Variants in EP300 observed in about 807,000 individuals in gnomAD.
EP300 encodes the protein histone acetyltransferase p300.
In EP300, 31 loss-of-function variants were observed where a neutral mutation model predicts 264.0. The observed-to-expected ratio is 0.12, with a 90% CI of 0.09 to 0.16. EP300 has a LOEUF of 0.16. Ranked by LOEUF, EP300 falls within the 10% of genes least tolerant of loss-of-function variation. EP300 has a pLI of 1.00. For missense variants in EP300, 2,766 were observed against 3,052.9 expected (o/e 0.91, Z 2.21); for synonymous variants, 1,340 against 1,045.4 (o/e 1.28, Z -5.44).
At position 41,179,362 on chromosome 22, in the gene EP300, C is replaced by T; in HGVS notation, c.*406C>T. 1 of 222,366 alleles carries T rather than the reference C, an allele frequency of 4.5e-6. No individual in the cohort carries two copies. The highest frequency in any genetic ancestry group is 9.0e-6 in the Non-Finnish European group (1 of 111,000). 13.8% of individuals were successfully genotyped at this position (222,366 alleles called of 1,614,324 possible). On this transcript the variant is annotated 3_prime_UTR_variant, in exon 31 of 31. Transcript: ENST00000263253. ...TGGTGCAGATGGTTGACATTTTTCC[C>T]TATTTTCCTCACTTTATGGAAGAGT...
chr22:41,113,704 G>A (rs577038483), intron 1 of EP300, among the ~76,000 whole-genome samples: 8 of 152,058 alleles, frequency 5.3e-5, no homozygotes, highest in South Asian at 2.1e-4. Flanking sequence ...CCGCCACCAC[G>A]CCCTGCTAAT....
intron 2 of EP300, among the ~76,000 whole-genome samples, chr22:41,125,112 C>CTTTTTTTTTT (rs930135062): frequency 1.5e-4 from 12 of 80,344 alleles, no homozygotes; most frequent in East Asian, 2.9e-4. Context: ...CTTTTCTTTC[C>CTTTTTTTTTT]TTTTTTTTTT....
intron 12 of EP300, 147 bp from the exon 13 acceptor site, chr22:41,148,891 C>A (rs1054766018): frequency 7.1e-6 from 7 of 991,312 alleles, no homozygotes; most frequent in Non-Finnish European, 1.1e-5. Flanking sequence ...TTTCTTCCTT[C>A]TCCTCTTCAG....
chr22:41,150,094 C>T lies in EP300; in HGVS notation c.2713C>T (p.Pro905Ser), dbSNP rs763211430. 6.2e-7 allele frequency: 1 copy of T among 1,613,488 alleles called. No individual in the cohort carries two copies. The highest frequency in any genetic ancestry group is 1.3e-5 in the African/African-American group (1 of 74,928). ...QQVQPSLPAA[P>S]SADQPQQQPR... ...AGTGCAGCCTTCACTTCCTGCTGCA[C>T]CTTCTGCTGACCAGCCCCAGCAGCA... The change falls in exon 14 of 31, where the codon CCT becomes TCT. Residue 905 changes from proline to serine, a missense_variant. Physicochemically the swap from Pro to Ser is moderately conservative, Grantham distance 74 (BLOSUM62 -1). Transcript: ENST00000263253.
rs1288890980 is a variant in EP300 at position 41,092,924 on chromosome 22, G to C, written c.-81G>C. 3.1e-5 allele frequency: 47 copies of C among 1,507,164 alleles called. No individual in the cohort carries two copies. In the Admixed American group the frequency reaches 7.7e-4, roughly 25 times the overall value. 93.4% of individuals were successfully genotyped at this position (1,507,164 alleles called of 1,614,324 possible). On this transcript the variant is annotated 5_prime_UTR_variant, in exon 1 of 31. Coordinates refer to ENST00000263253, the MANE Select transcript of EP300 (RefSeq NM_001429.4). Reference sequence around the variant, plus strand: ...GGAGCCCCCCAGCCCACCCCTGGGTGCGGCGCGGGGACCCCGGGCCGAAGA... The same window carrying C: ...GGAGCCCCCCAGCCCACCCCTGGGTCCGGCGCGGGGACCCCGGGCCGAAGA...
At chr22:41,094,245 C>T (rs375486257) in intron 1 of EP300, among the ~76,000 whole-genome samples, 3 of 152,212 alleles carry the variant, frequency 2.0e-5, no homozygotes, top group East Asian at 1.9e-4. Flanking sequence ...ATCTCTTTAA[C>T]TCCCTGAGAG....
In EP300 at chr22:41,117,829, C is replaced by T. The variant is rs751025845; in HGVS notation, c.729+8C>T. 2.1e-5 allele frequency: 34 copies of T among 1,613,480 alleles called. No individual in the cohort carries two copies. The highest frequency in any genetic ancestry group is 2.8e-5 in the Non-Finnish European group (33 of 1,180,026). ...GGCCCCCAGCCTCTTAAGGTAAGTA[C>T]AGTTTTGGTTTGTGTGCACAATCGG... On this transcript the variant is annotated splice_region_variant and intron_variant, in intron 2 of 30. Coordinates refer to ENST00000263253, the MANE Select transcript of EP300 (RefSeq NM_001429.4).
In EP300 at chr22:41,177,451, G is replaced by A. The variant is rs1485568560; in HGVS notation, c.5740G>A (p.Ala1914Thr). The A allele has an allele frequency of 6.8e-6, 11 of 1,614,124 alleles. No individual in the cohort carries two copies. The highest frequency in any genetic ancestry group is 8.5e-6 in the Non-Finnish European group (10 of 1,180,018). Residue 1914 changes from alanine to threonine, a missense_variant, in exon 31 of 31, where the codon GCT (alanine) becomes ACT (threonine). Coordinates refer to ENST00000263253, the MANE Select transcript of EP300 (RefSeq NM_001429.4). ...GACCCCTCCAACCCCTCCTCAGACT[G>A]CTCAGCCACCCCTTCCAGGGCCCCC... ...QVTPPTPPQT[A>T]QPPLPGPPPA...
intron 10 of EP300, among the ~76,000 whole-genome samples, chr22:41,143,621 G>C (rs1278921721): frequency 6.6e-6 from 1 of 151,824 alleles, no homozygotes; most frequent in African/African-American, 2.4e-5. Flanking sequence ...TGTCACTCAG[G>C]CTGAAGTGCA....
At chr22:41,145,969 T>C (rs985826151) in intron 10 of EP300, among the ~76,000 whole-genome samples, 1 of 151,996 alleles carries the variant, frequency 6.6e-6, no homozygotes, top group African/African-American at 2.4e-5. Flanking sequence ...GTACATGATA[T>C]GTAGTGTGGT....
At chr22:41,100,167 T>C (rs2058723435) in intron 1 of EP300, among the ~76,000 whole-genome samples, 3 of 152,166 alleles carry the variant, frequency 2.0e-5, no homozygotes, top group Admixed American at 2.0e-4. Flanking sequence ...CCAGGAGTTT[T>C]GAGGTTACAG....
chr22:41,133,266 T>A (rs950118658), intron 6 of EP300, among the ~76,000 whole-genome samples: 9 of 150,934 alleles, frequency 6.0e-5, no homozygotes, highest in African/African-American at 2.2e-4. Flanking sequence ...AAGCAGTTCT[T>A]CCTGCCTCAG....
At chr22:41,140,961 A>T in intron 9 of EP300, 87 bp from the exon 10 acceptor site, 1 of 1,267,284 alleles carries the variant, frequency 7.9e-7, no homozygotes, top group Admixed American at 2.2e-5. Context: ...AATGAAACTA[A>T]TATCTATTCT....
At chr22:41,114,686 A>G (rs1338112580) in intron 1 of EP300, among the ~76,000 whole-genome samples, 4 of 152,184 alleles carry the variant, frequency 2.6e-5, no homozygotes, top group South Asian at 2.1e-4. Flanking sequence ...GTGGTAAAAC[A>G]TGTCCTTCGC....
chr22:41,140,068 G>A, intron 8 of EP300, 72 bp from the exon 9 acceptor site: 1 of 1,022,782 alleles, frequency 9.8e-7, no homozygotes, highest in South Asian at 1.3e-5. Context: ...TATGTGTTCA[G>A]TGTATAAAAA....
At chr22:41,109,576 G>A (rs994831220) in intron 1 of EP300, among the ~76,000 whole-genome samples, 4 of 152,190 alleles carry the variant, frequency 2.6e-5, no homozygotes, top group Admixed American at 1.3e-4. Context: ...ATAACAATAG[G>A]TAACATGTTT....
intron 3 of EP300, 127 bp from the exon 4 acceptor site, chr22:41,127,360 C>G (rs2058888892): frequency 7.9e-7 from 1 of 1,268,590 alleles, no homozygotes; most frequent in Non-Finnish European, 1.1e-6. Flanking sequence ...TTCCCTGTGT[C>G]AAAAAATGGA....
chr22:41,147,872 C>T lies in EP300; in HGVS notation c.2167C>T (p.Pro723Ser), dbSNP rs755152564. 7 of 1,614,080 alleles carry T rather than the reference C, an allele frequency of 4.3e-6. No homozygotes were observed. The highest frequency in any genetic ancestry group is 2.2e-5 in the South Asian group (2 of 91,088). ...NQFGQMSMAQ[P>S]PIVPRQTPPL... is the part of the protein sequence containing the mutation. ...ATTTGGCCAGATGAGCATGGCCCAG[C>T]CCCCTATTGTACCCCGGCAAACCCC... Residue 723 changes from proline (P) to serine (S), a missense_variant, in exon 12 of 31, where the codon CCC becomes TCC. By Grantham distance (74) the Pro-to-Ser change is moderately conservative. Coordinates refer to ENST00000263253, the MANE Select transcript of EP300 (RefSeq NM_001429.4).
In EP300 at chr22:41,149,981, C is replaced by T. The variant is rs2145737487; in HGVS notation, c.2600C>T (p.Pro867Leu). 6.2e-7 allele frequency: 1 copy of T among 1,614,080 alleles called. No homozygotes were observed. The highest frequency in any genetic ancestry group is 8.5e-7 in the Non-Finnish European group (1 of 1,180,014). The change falls in exon 14 of 31, where the codon CCT becomes CTT. Residue 867 changes from proline to leucine, a missense_variant. Coordinates refer to ENST00000263253, the MANE Select transcript of EP300 (RefSeq NM_001429.4). ...ATTCCAGCCCCTGTTCCTACACCTC[C>T]TGCCATGCCACCTGGGCCACAGTCC... ...TTIPAPVPTP[P>L]AMPPGPQSQA...
Sources: gnomAD v4.1 joint callset for allele counts (sites outside exome capture counted in the v4.1 genomes callset) on GRCh38, gnomAD v4.1.1 for gene constraint, MANE v1.5 for transcripts, NCBI Gene and HGNC (gene_info 2026-07-23, HGNC 2026-07-21) for gene names.